Variants in CCDC6 observed in about 807,000 individuals in gnomAD.
CCDC6 encodes the protein coiled-coil domain-containing protein 6.
In CCDC6, 20 loss-of-function variants were observed where a neutral mutation model predicts 56.6. The ratio of observed to expected loss-of-function variants is 0.35; its 90% CI spans 0.25 to 0.51. The LOEUF is 0.51. Ranked by LOEUF, CCDC6 falls within the 20% of genes least tolerant of loss-of-function variation. The pLI is 0.95. For synonymous variants in CCDC6, 241 were observed against 234.4 expected (o/e 1.03, Z -0.26); for missense variants, 367 against 601.1 (o/e 0.61, Z 4.07).
At chr10:59,882,047 C>T (rs1368539621) in intron 1 of CCDC6, among the ~76,000 whole-genome samples, 2 of 83,672 alleles carry the variant, frequency 2.4e-5, no homozygotes, top group African/African-American at 1.1e-4. Flanking sequence ...AAAGGAAAGC[C>T]AGGGGGAGAA....
At chr10:59,897,134 C>T (rs148509113) in intron 1 of CCDC6, among the ~76,000 whole-genome samples, 136 of 152,182 alleles carry the variant, frequency 8.9e-4, no homozygotes, top group African/African-American at 3.0e-3. Context: ...AGTGAAGACA[C>T]GATGTTTTGA....
Position 59,811,211 on chromosome 10 carries a change from A to G in CCDC6, c.847+1424T>C, listed in dbSNP as rs116510786. ...GTAATAGCAGAAATAGGAAAGTACT[A>G]CACCATATTTCTCAAAGGCTCCAAG... is the stretch of plus-strand genomic sequence containing the variant. On this transcript the variant is annotated intron_variant, in intron 5 of 8. Coordinates refer to ENST00000263102, the MANE Select transcript of CCDC6 (RefSeq NM_005436.5). 3.6e-3 allele frequency among the ~76,000 whole-genome samples: 551 copies of G among 152,338 alleles called. 5 individuals are homozygous for G. The highest frequency in any genetic ancestry group is 0.013 in the African/African-American group (528 of 41,570).
At chr10:59,880,141 A>G (rs1719100278) in intron 1 of CCDC6, among the ~76,000 whole-genome samples, 1 of 152,186 alleles carries the variant, frequency 6.6e-6, no homozygotes, top group Admixed American at 6.5e-5. Flanking sequence ...CTTAATATAC[A>G]GAGAATCCTC....
intron 3 of CCDC6, among the ~76,000 whole-genome samples, chr10:59,817,778 C>T (rs932257241): frequency 2.0e-5 from 3 of 152,128 alleles, no homozygotes; most frequent in Admixed American, 1.3e-4. Context: ...GCTGTAGCTC[C>T]GATGCCCTCA....
chr10:59,799,162 G>T (rs1359040637), intron 7 of CCDC6, among the ~76,000 whole-genome samples: 1 of 151,906 alleles, frequency 6.6e-6, no homozygotes, highest in African/African-American at 2.4e-5. Context: ...CGGTCATGGT[G>T]GTTCATGCCT....
Position 59,794,447 on chromosome 10 carries a change from C to A in CCDC6, c.1230+26G>T, listed in dbSNP as rs370532339. On this transcript the variant is annotated intron_variant, in intron 8 of 8. Coordinates refer to ENST00000263102, the MANE Select transcript of CCDC6 (RefSeq NM_005436.5). ...CGGTACCACTTTCAGGAGTAAAGTG[C>A]TGCTTCCTACCCCACGGACACTTAC... 2.5e-6 allele frequency: 4 copies of A among 1,612,618 alleles called. No homozygotes were observed. The African/African-American group carries it at 5.3e-5, about 22-fold the overall frequency.
chr10:59,812,573 C>A, intron 5 of CCDC6, 62 bp downstream of exon 5: 2 of 1,134,000 alleles, frequency 1.8e-6, no homozygotes, highest in South Asian at 1.7e-5. Context: ...TGGTAATACC[C>A]TATATTTGGT....
intron 2 of CCDC6, among the ~76,000 whole-genome samples, chr10:59,848,238 C>A (rs904918843): frequency 1.3e-5 from 2 of 152,156 alleles, no homozygotes; most frequent in African/African-American, 4.8e-5. Flanking sequence ...TAACTAATCT[C>A]TTTTAAAGTA....
chr10:59,880,365 T>C lies in CCDC6; in HGVS notation c.303+25757A>G, dbSNP rs149285288. Among the ~76,000 whole-genome samples, 558 of 152,248 alleles carry C rather than the reference T, an allele frequency of 3.7e-3. 5 individuals are homozygous for C. The highest frequency in any genetic ancestry group is 0.013 in the African/African-American group (541 of 41,544). On this transcript the variant is annotated intron_variant, in intron 1 of 8. Coordinates refer to ENST00000263102, the MANE Select transcript of CCDC6 (RefSeq NM_005436.5). Reference sequence around the variant, plus strand: ...GGACACTCTAGGTTCTAAGACCCAATCTCAGACGGGAAGAGACCAACAATA... The same window carrying C: ...GGACACTCTAGGTTCTAAGACCCAACCTCAGACGGGAAGAGACCAACAATA...
chr10:59,857,877 A>G (rs2071093193), intron 1 of CCDC6, among the ~76,000 whole-genome samples: 1 of 152,176 alleles, frequency 6.6e-6, no homozygotes, highest in Middle Eastern at 3.2e-3. Flanking sequence ...CTGAAACCAC[A>G]TTATTAGGAT....
intron 1 of CCDC6, among the ~76,000 whole-genome samples, chr10:59,869,236 GA>G (rs2071204148): frequency 6.6e-6 from 1 of 151,480 alleles, no homozygotes; most frequent in African/African-American, 2.4e-5. Context: ...CACTTAGCCA[GA>G]AAAGCCTCCC....
At chr10:59,864,429 C>T (rs2071159767) in intron 1 of CCDC6, among the ~76,000 whole-genome samples, 1 of 152,156 alleles carries the variant, frequency 6.6e-6, no homozygotes, top group African/African-American at 2.4e-5. Flanking sequence ...CACCTAACAA[C>T]CCTTTCAGTG....
At chr10:59,851,131 GAAAAAAA>G (rs372606692) in intron 2 of CCDC6, among the ~76,000 whole-genome samples, 25 of 46,758 alleles carry the variant, frequency 5.3e-4, no homozygotes, top group African/African-American at 1.1e-3. Flanking sequence ...CATGTAAATT[GAAAAAAA>G]AAAAAAAAAA....
chr10:59,864,893 C>G (rs1380711731), intron 1 of CCDC6, among the ~76,000 whole-genome samples: 2 of 152,214 alleles, frequency 1.3e-5, no homozygotes, highest in Non-Finnish European at 2.9e-5. Context: ...AAACCACACA[C>G]ATTTGTAAGA....
intron 5 of CCDC6, among the ~76,000 whole-genome samples, chr10:59,810,445 T>C (rs2070663256): frequency 6.6e-6 from 1 of 152,058 alleles, no homozygotes; most frequent in Non-Finnish European, 1.5e-5. Flanking sequence ...TCTCCCCAAA[T>C]TCCTTCTGAA....
intron 3 of CCDC6, among the ~76,000 whole-genome samples, chr10:59,826,793 C>T (rs1339103117): frequency 6.6e-6 from 1 of 152,166 alleles, no homozygotes; most frequent in Non-Finnish European, 1.5e-5. Context: ...ACATTTGAGG[C>T]TTAAATGATA....
Position 59,801,334 on chromosome 10 carries a change from C to A in CCDC6, c.1105+3086G>T, listed in dbSNP as rs7091121. ...TCCTCTTTAACTCTATCTGATCTGG[C>A]TTCTTTCCCTACCACTCCATCAAAA... On this transcript the variant is annotated intron_variant, in intron 7 of 8. Coordinates refer to ENST00000263102, the MANE Select transcript of CCDC6 (RefSeq NM_005436.5). Among the ~76,000 whole-genome samples the A allele has an allele frequency of 2.4e-3, 360 of 152,252 alleles. 3 individuals are homozygous for A. Among genetic ancestry groups the A allele is most frequent in the African/African-American group, 8.1e-3 (336 of 41,556 alleles).
At chr10:59,809,164 A>G (rs751603290) in intron 5 of CCDC6, among the ~76,000 whole-genome samples, 1 of 152,218 alleles carries the variant, frequency 6.6e-6, no homozygotes, top group Non-Finnish European at 1.5e-5. Context: ...TGCTGTTTCT[A>G]GAACTAGAAG....
chr10:59,840,072 C>T (rs551392285), intron 2 of CCDC6, among the ~76,000 whole-genome samples: 2 of 152,312 alleles, frequency 1.3e-5, no homozygotes, highest in Admixed American at 1.3e-4. Context: ...GATCCCCCCA[C>T]CTCGGCCTCC....
Sources: allele counts gnomAD v4.1 joint callset (sites outside exome capture counted in the v4.1 genomes callset), GRCh38; gene constraint gnomAD v4.1.1; transcripts MANE v1.5; gene names NCBI Gene and HGNC (gene_info 2026-07-23, HGNC 2026-07-21).